LMTK3: variants seen among roughly 807,000 people sequenced by gnomAD.
LMTK3 encodes the protein lemur tail kinase 3.
In LMTK3, 27 loss-of-function variants were observed where a neutral mutation model predicts 116.7. That is an observed-to-expected ratio of 0.23 (90% CI 0.17 to 0.32). The LOEUF (loss-of-function observed/expected upper bound fraction) is 0.32, where lower values mean the gene tolerates loss of function less well. Ranked by LOEUF, LMTK3 falls within the 10% of genes least tolerant of loss-of-function variation. The pLI is 1.00. For synonymous variants in LMTK3, 965 were observed against 971.0 expected (o/e 0.99, Z 0.11); for missense variants, 1,764 against 2,068.5 (o/e 0.85, Z 2.86).
In LMTK3 at chr19:48,502,948, C is replaced by T; in HGVS notation, c.606G>A (p.Glu202=). The part of the protein sequence containing the change: ...NVLQCLGLCV[E]TLPFLLIMEF... ...CCATAATCAGCAGAAACGGCAGCGT[C>T]TCCACGCACAGACCCAGGCACTGGA... The change falls in exon 6 of 15, where the codon GAG becomes GAA. Residue 202 remains glutamate (E), a synonymous_variant. Coordinates refer to ENST00000600059, the MANE Select transcript of LMTK3 (RefSeq NM_001388485.1). 1 of 1,613,422 alleles carries T rather than the reference C, an allele frequency of 6.2e-7. No homozygotes were observed. The highest frequency in any genetic ancestry group is 8.5e-7 in the Non-Finnish European group (1 of 1,179,648).
rs1972438924 is a variant in LMTK3, at chr19:48,500,268, C to A, written c.1152-351G>T. ...TGAAACCCCGTTTCTACTAAAAATA[C>A]AAAAAATTAGCCTAGCGTGGTGGCA... is the stretch of plus-strand genomic sequence containing the variant. On this transcript the variant is annotated intron_variant, in intron 10 of 14. Transcript: ENST00000600059. This position sits in a 1 kb window ranked among gnomAD's most constrained non-coding sequence, Gnocchi z 4.0. 6.6e-6 allele frequency among the ~76,000 whole-genome samples: 1 copy of A among 152,066 alleles called. No homozygotes were observed. The highest frequency in any genetic ancestry group is 2.4e-5 in the African/African-American group (1 of 41,394).
chr19:48,506,260 A>T (rs1972568035), intron 5 of LMTK3, among the ~76,000 whole-genome samples: 1 of 151,262 alleles, frequency 6.6e-6, no homozygotes, highest in African/African-American at 2.4e-5. Flanking sequence ...GAGCCTTGAA[A>T]AAAAAAAAAA....
chr19:48,493,654 A>G (rs1371728611), intron 12 of LMTK3, 40 bp downstream of exon 12: 2 of 1,503,404 alleles, frequency 1.3e-6, no homozygotes, highest in South Asian at 1.2e-5. Flanking sequence ...TGCTCCCTCC[A>G]GGCCGCGACC....
At chr19:48,493,276 C>T (rs1972257407) in intron 12 of LMTK3, among the ~76,000 whole-genome samples, 1 of 150,520 alleles carries the variant, frequency 6.6e-6, no homozygotes, top group East Asian at 2.0e-4. Flanking sequence ...CTAGGCCCCG[C>T]CCCAGGCCCT....
chr19:48,509,239 G>A (rs899579143), intron 4 of LMTK3, among the ~76,000 whole-genome samples, 198 bp downstream of exon 4: 24 of 151,886 alleles, frequency 1.6e-4, no homozygotes, highest in African/African-American at 5.6e-4. Flanking sequence ...AGTGAGGAGG[G>A]AGGCGCTGAC....
In LMTK3 at chr19:48,511,620, A is replaced by AGGTGGGGGGGGGGGGGGGGGG; in HGVS notation, c.-45_-44insCCCCCCCCCCCCCCCCCCACC. On this transcript the variant is annotated 5_prime_UTR_variant, in exon 1 of 15. Transcript: ENST00000600059. ...GAGGTGGAGGTGGTGGCGGCTGGGG[A>AGGTGGGGGGGGGGGGGGGGGG]GGAGGGGGGGGCGGGCCCTCAGCCC... 2 of 118,218 alleles carry AGGTGGGGGGGGGGGGGGGGGG rather than the reference A, an allele frequency of 1.7e-5. No individual in the cohort carries two copies. The highest frequency in any genetic ancestry group is 1.5e-5 in the Non-Finnish European group (1 of 66,524). The allele number at this position is 118,218 out of a possible 1,614,324, so 7.3% of individuals were successfully genotyped here.
chr19:48,486,698 C>G (rs1206288918), intron 14 of LMTK3, among the ~76,000 whole-genome samples: 1 of 151,842 alleles, frequency 6.6e-6, no homozygotes, highest in African/African-American at 2.4e-5. Context: ...CGACTACGCC[C>G]GGCTAATTTT....
At position 48,498,696 on chromosome 19, in the gene LMTK3, C is replaced by T. The variant is rs1170777655; in HGVS notation, c.2373G>A (p.Gly791=). Residue 791 remains glycine (G), a synonymous_variant, in exon 11 of 15, where the codon GGG becomes GGA. Coordinates refer to ENST00000600059, the MANE Select transcript of LMTK3 (RefSeq NM_001388485.1). ...GGGTCTCGGTCTCGTAGCCGCTGTC[C>T]CCCGGCTTGGGGCCCGGCGACGAGA... is the stretch of plus-strand genomic sequence containing the variant. The part of the protein sequence containing the change: ...SGLSSPGPKP[G]DSGYETETPF... 4 of 1,535,056 alleles carry T rather than the reference C, an allele frequency of 2.6e-6. No homozygotes were observed. The Admixed American group carries it at 5.9e-5, about 23-fold the overall frequency.
intron 14 of LMTK3, among the ~76,000 whole-genome samples, chr19:48,490,761 C>T (rs973691361): frequency 1.3e-5 from 2 of 152,140 alleles, no homozygotes; most frequent in African/African-American, 4.8e-5. Flanking sequence ...CACCGTGTTC[C>T]CCAAACGGAG....
In LMTK3 at chr19:48,504,423, T is replaced by TA. The variant is rs549771359; in HGVS notation, c.558-1428dup. Among the ~76,000 whole-genome samples the TA allele has an allele frequency of 9.8e-4, 150 of 152,332 alleles. 1 individual carries two copies. Among genetic ancestry groups the TA allele is most frequent in the Middle Eastern group, 3.4e-3 (1 of 294 alleles). The stretch of plus-strand genomic sequence containing the variant: ...TCCCTGCCTCAGTTTTCCTCATCTG[T>TA]AAAAATGGGACAGCGATAACAACTT... On this transcript the variant is annotated intron_variant, in intron 5 of 14. Coordinates refer to ENST00000600059, the MANE Select transcript of LMTK3 (RefSeq NM_001388485.1).
rs752022498 is a variant in LMTK3, at chr19:48,508,949, G to T, written c.459C>A (p.Phe153Leu). 1 of 1,610,314 alleles carries T rather than the reference G, an allele frequency of 6.2e-7. No homozygotes were observed. The highest frequency in any genetic ancestry group is 8.5e-7 in the Non-Finnish European group (1 of 1,178,008). ...CCACCTGGGCGGGGGTGTAGTCGGA[G>T]AAAATCTCTCCCAGGATCACCTGGT... ...WFGKVILGEI[F>L]SDYTPAQVVV... Residue 153 changes from phenylalanine to leucine, a missense_variant, in exon 5 of 15, where the codon TTC (phenylalanine) becomes TTA (leucine). This residue lies in a region of LMTK3 where 271 missense variants were observed against 478.2 expected (regional missense o/e 0.57). Coordinates refer to ENST00000600059, the MANE Select transcript of LMTK3 (RefSeq NM_001388485.1).
chr19:48,501,529 A>G lies in LMTK3; in HGVS notation c.828T>C (p.Ser276=). The G allele has an allele frequency of 6.2e-7, 1 of 1,611,852 alleles. No homozygotes were observed. Among genetic ancestry groups the G allele is most frequent in the South Asian group, 1.1e-5 (1 of 90,772 alleles). The change falls in exon 8 of 15, where the codon TCT becomes TCC. Residue 276 remains serine, a synonymous_variant. Coordinates refer to ENST00000600059, the MANE Select transcript of LMTK3 (RefSeq NM_001388485.1). ...AGTCTCCGATGCGCACGGTCAGGTC[A>G]GAGGTCAGCAGGCAGTTGCGCAGGG... ...DLALRNCLLT[S]DLTVRIGDYG... is the part of the protein sequence containing the mutation.
rs529445334 is a variant in LMTK3, at chr19:48,500,321, G to A, written c.1152-404C>T. On this transcript the variant is annotated intron_variant, in intron 10 of 14. Transcript: ENST00000600059. The surrounding 1 kb of genome is among the most constrained non-coding windows in gnomAD (Gnocchi z 4.0). ...TGCCTGTAATCCCAGCTACCTGGGA[G>A]GCTGAGGCAGGAGAACCGCTTGAAC... Among the ~76,000 whole-genome samples the A allele has an allele frequency of 2.0e-5, 3 of 152,344 alleles. No homozygotes were observed. Among genetic ancestry groups the A allele is most frequent in the Non-Finnish European group, 2.9e-5 (2 of 68,038 alleles).
chr19:48,503,342 C>G (rs1190596311), intron 5 of LMTK3, among the ~76,000 whole-genome samples: 1 of 152,136 alleles, frequency 6.6e-6, no homozygotes, highest in Non-Finnish European at 1.5e-5. Context: ...ACCACCGCAC[C>G]CGGCCCACTC....
chr19:48,501,687 C>A (rs1358291475), intron 7 of LMTK3, 125 bp from the exon 8 acceptor site: 4 of 942,452 alleles, frequency 4.2e-6, no homozygotes, highest in Non-Finnish European at 6.5e-6. Context: ...TGCCCCTTCC[C>A]TCTGATCTGT....
chr19:48,493,133 C>T (rs1972254688), intron 12 of LMTK3, among the ~76,000 whole-genome samples: 1 of 151,842 alleles, frequency 6.6e-6, no homozygotes, highest in Non-Finnish European at 1.5e-5. Context: ...CAGACTTGGC[C>T]TCCCTCAGGC....
At chr19:48,508,498 C>T (rs185802024) in intron 5 of LMTK3, among the ~76,000 whole-genome samples, 2 of 152,206 alleles carry the variant, frequency 1.3e-5, no homozygotes. Flanking sequence ...AAGGGAAGTA[C>T]CAGCTGGTAC....
rs1238752654 is a variant in LMTK3 at position 48,498,780 on chromosome 19, G to T, written c.2289C>A (p.Pro763=). The T allele has an allele frequency of 3.7e-6, 5 of 1,364,482 alleles. No homozygotes were observed. In the South Asian group the frequency reaches 7.9e-5, roughly 21 times the overall value. The allele number at this position is 1,364,482 out of a possible 1,614,324, so 84.5% of individuals were successfully genotyped here. A position where few individuals can be genotyped will look rare whatever the true frequency, so the allele number is the denominator to read the frequency against. Residue 763 remains proline (P), a synonymous_variant, in exon 11 of 15, where the codon CCC becomes CCA. Coordinates refer to ENST00000600059, the MANE Select transcript of LMTK3 (RefSeq NM_001388485.1). The part of the protein sequence containing the change: ...PPPPPPPPRA[P]ADPAASPDPP... ...GGTCGGGGGACGCGGCCGGGTCCGC[G>T]GGGGCCCGAGGAGGTGGCGGCGGGG... is the stretch of plus-strand genomic sequence containing the variant.
At chr19:48,496,300 TC>T (rs201054940) in intron 11 of LMTK3, among the ~76,000 whole-genome samples, 7,916 of 149,720 alleles carry the variant, frequency 0.053, 295 homozygotes, top group Middle Eastern at 0.18. Flanking sequence ...CTTTTTCTTT[TC>T]TTTTTTTTTT....
Sources: gnomAD v4.1 joint callset for allele counts (sites outside exome capture counted in the v4.1 genomes callset) on GRCh38, gnomAD v4.1.1 for gene constraint, gnomAD v4.1.1 regional missense constraint, Gnocchi (gnomAD v3.1) non-coding constraint, MANE v1.5 for transcripts, NCBI Gene and HGNC (gene_info 2026-07-23, HGNC 2026-07-21) for gene names.